Variants in NPAS3 observed in about 807,000 individuals in gnomAD.
The protein encoded by NPAS3 is neuronal PAS domain-containing protein 3.
Under a neutral mutation model 73.1 loss-of-function variants are expected in NPAS3, and 14 were observed. That is an observed-to-expected ratio of 0.19 (90% CI 0.13 to 0.30). The LOEUF (loss-of-function observed/expected upper bound fraction) is 0.30. NPAS3 is among the 10% of genes least tolerant of loss of function. The pLI is 1.00. For missense variants in NPAS3, 1,096 were observed against 1,250.0 expected (o/e 0.88, Z 1.86); for synonymous variants, 620 against 541.5 (o/e 1.14, Z -2.01).
intron 7 of NPAS3, among the ~76,000 whole-genome samples, chr14:33,741,166 T>C (rs1382339298): frequency 6.6e-6 from 1 of 152,164 alleles, no homozygotes; most frequent in Non-Finnish European, 1.5e-5. Flanking sequence ...GTTTCTTCCT[T>C]ATCTGAGATT....
intron 3 of NPAS3, among the ~76,000 whole-genome samples, chr14:33,240,132 A>G (rs951584853): frequency 2.6e-5 from 4 of 151,910 alleles, no homozygotes; most frequent in Non-Finnish European, 5.9e-5. Flanking sequence ...GCATGGAAGG[A>G]TGCATGTAAG....
intron 5 of NPAS3, among the ~76,000 whole-genome samples, chr14:33,586,262 C>G (rs1014974162): frequency 7.6e-6 from 1 of 130,998 alleles, no homozygotes; most frequent in African/African-American, 3.1e-5. Flanking sequence ...TGTTTCATAG[C>G]ATAATAATTC....
At chr14:33,019,905 A>G (rs1035856666) in intron 1 of NPAS3, among the ~76,000 whole-genome samples, 1 of 152,116 alleles carries the variant, frequency 6.6e-6, no homozygotes, top group Non-Finnish European at 1.5e-5. Flanking sequence ...TAACTTTTTG[A>G]TTTTGCCATA....
intron 4 of NPAS3, among the ~76,000 whole-genome samples, chr14:33,411,011 G>A (rs2047898602): frequency 1.3e-5 from 2 of 152,070 alleles, no homozygotes; most frequent in Admixed American, 6.6e-5. Context: ...CAATGATATA[G>A]CCTCTTGAAC....
At chr14:33,716,827 C>T (rs568607281) in intron 6 of NPAS3, among the ~76,000 whole-genome samples, 1 of 152,224 alleles carries the variant, frequency 6.6e-6, no homozygotes, top group Admixed American at 6.5e-5. Context: ...CCGACGATGG[C>T]TCATTTTCTC....
At chr14:33,251,359 G>A (rs1594511891) in intron 3 of NPAS3, among the ~76,000 whole-genome samples, 1 of 152,048 alleles carries the variant, frequency 6.6e-6, no homozygotes, top group Non-Finnish European at 1.5e-5. Context: ...ATTGCTTAGG[G>A]TTGGGTGGGT....
In NPAS3 at chr14:33,073,905, A is replaced by G. The variant is rs577645068; in HGVS notation, c.140+17911A>G. 6.6e-5 allele frequency among the ~76,000 whole-genome samples: 10 copies of G among 152,278 alleles called. No homozygotes were observed. In the East Asian group the frequency reaches 1.5e-3, roughly 23 times the overall value. Reference sequence around the variant, plus strand: ...GACTATATAAATTTTTTATCTGCACAGGCATAGATTGTTTCGTGTTTTATT... The same window carrying G: ...GACTATATAAATTTTTTATCTGCACGGGCATAGATTGTTTCGTGTTTTATT... On this transcript the variant is annotated intron_variant, in intron 2 of 11. Transcript: ENST00000356141.
intron 4 of NPAS3, among the ~76,000 whole-genome samples, chr14:33,379,097 G>T (rs1451918556): frequency 6.6e-6 from 1 of 152,110 alleles, no homozygotes; most frequent in Non-Finnish European, 1.5e-5. Context: ...ATTATCCTCA[G>T]GTTGTAAGTA....
chr14:33,396,870 C>G (rs1250255316), intron 4 of NPAS3, among the ~76,000 whole-genome samples: 2 of 152,098 alleles, frequency 1.3e-5, no homozygotes, highest in African/African-American at 4.8e-5. Context: ...TCTGATGGAG[C>G]ATGCACAAAT....
chr14:33,617,309 T>C (rs1328485379), intron 5 of NPAS3, among the ~76,000 whole-genome samples: 1 of 152,184 alleles, frequency 6.6e-6, no homozygotes, highest in East Asian at 1.9e-4. Context: ...AAGTACTTTT[T>C]TGTGGTCGGA....
intron 5 of NPAS3, among the ~76,000 whole-genome samples, chr14:33,630,855 G>C (rs1357960531): frequency 6.6e-6 from 1 of 152,180 alleles, no homozygotes; most frequent in Admixed American, 6.5e-5. Context: ...GCAGAGATCA[G>C]CTCTACTGAG....
intron 4 of NPAS3, among the ~76,000 whole-genome samples, chr14:33,447,159 A>C (rs1195025709): frequency 6.6e-6 from 1 of 152,230 alleles, no homozygotes; most frequent in Non-Finnish European, 1.5e-5. Context: ...TTGGGGCCTA[A>C]AGGACTATCT....
intron 1 of NPAS3, among the ~76,000 whole-genome samples, chr14:33,004,059 T>C (rs2038902555): frequency 6.6e-6 from 1 of 152,198 alleles, no homozygotes; most frequent in African/African-American, 2.4e-5. Context: ...ATGGGAGTTA[T>C]GCAATCATTA....
At chr14:33,062,006 G>C (rs932150373) in intron 2 of NPAS3, among the ~76,000 whole-genome samples, 4 of 152,146 alleles carry the variant, frequency 2.6e-5, no homozygotes, top group African/African-American at 7.2e-5. Flanking sequence ...AAAGGACACA[G>C]GCAGAAGTGG....
chr14:33,278,771 A>G (rs1384792772), intron 3 of NPAS3, among the ~76,000 whole-genome samples: 1 of 152,210 alleles, frequency 6.6e-6, no homozygotes, highest in African/African-American at 2.4e-5. Context: ...GTTCAGTGAT[A>G]TTCAACTCAA....
intron 2 of NPAS3, among the ~76,000 whole-genome samples, chr14:33,087,099 TATA>T (rs939589070): frequency 7.5e-5 from 11 of 147,574 alleles, no homozygotes; most frequent in Non-Finnish European, 1.3e-4. Context: ...TGTTATACAA[TATA>T]ATATTGTATA....
intron 10 of NPAS3, among the ~76,000 whole-genome samples, chr14:33,794,447 G>C (rs1054607292): frequency 7.9e-5 from 12 of 152,158 alleles, no homozygotes; most frequent in African/African-American, 2.7e-4. Context: ...GTAAAACAGA[G>C]CGGGAGAAAA....
intron 3 of NPAS3, among the ~76,000 whole-genome samples, chr14:33,272,915 C>A (rs533154644): frequency 6.6e-6 from 1 of 152,208 alleles, no homozygotes; most frequent in Non-Finnish European, 1.5e-5. Flanking sequence ...AGAATTATGT[C>A]AGCTAAACTG....
intron 5 of NPAS3, among the ~76,000 whole-genome samples, chr14:33,637,946 T>G (rs951683631): frequency 1.3e-5 from 2 of 152,214 alleles, no homozygotes; most frequent in Admixed American, 1.3e-4. Flanking sequence ...GAGGCTGTGT[T>G]CCCTCATGCC....
Sources: allele counts gnomAD v4.1 joint callset (sites outside exome capture counted in the v4.1 genomes callset), GRCh38; gene constraint gnomAD v4.1.1; transcripts MANE v1.5; gene names NCBI Gene and HGNC (gene_info 2026-07-23, HGNC 2026-07-21).